Variants in RPTOR observed in about 807,000 individuals in gnomAD.
The protein encoded by RPTOR is regulatory-associated protein of mTOR.
Under a neutral mutation model 169.9 loss-of-function variants are expected in RPTOR, and 21 were observed. That is an observed-to-expected ratio of 0.12 (90% CI 0.09 to 0.18). RPTOR has a LOEUF of 0.18. Among genes scored for constraint, RPTOR ranks in the 10% least tolerant of loss-of-function variants. The pLI is 1.00. For missense variants in RPTOR, 1,133 were observed against 1,855.9 expected, an observed-to-expected ratio of 0.61 and a Z score of 7.16; for synonymous variants, 732 against 753.2, an observed-to-expected ratio of 0.97 and a Z score of 0.46.
Position 80,754,466 on chromosome 17 carries a change from G to A in RPTOR, c.830+281G>A, listed in dbSNP as rs912209264. ...CCTTACCTTTGTTCACTGCGGAGGC[G>A]TCTTAGTACCAGGATAGGTCATACT... On this transcript the variant is annotated intron_variant, in intron 6 of 33. Coordinates refer to ENST00000306801, the MANE Select transcript of RPTOR (RefSeq NM_020761.3). This position sits in a 1 kb window ranked among gnomAD's most constrained non-coding sequence, Gnocchi z 4.2. 1.3e-5 allele frequency among the ~76,000 whole-genome samples: 2 copies of A among 152,150 alleles called. No individual in the cohort carries two copies. The highest frequency in any genetic ancestry group is 2.9e-5 in the Non-Finnish European group (2 of 68,026).
chr17:80,563,331 G>A (rs1568305717), intron 1 of RPTOR, among the ~76,000 whole-genome samples: 6 of 151,744 alleles, frequency 4.0e-5, no homozygotes, highest in East Asian at 3.9e-4. Flanking sequence ...TCAGGAGTTC[G>A]AGAACAGCCT....
chr17:80,831,679 T>C (rs555308990), intron 9 of RPTOR, among the ~76,000 whole-genome samples: 2 of 152,228 alleles, frequency 1.3e-5, no homozygotes, highest in South Asian at 2.1e-4. Flanking sequence ...CTGTGTATCC[T>C]TGTGTATCAC....
Position 80,696,513 on chromosome 17 carries a change from C to G in RPTOR, c.349-11328C>G, listed in dbSNP as rs571436870. Among the ~76,000 whole-genome samples, 6 of 152,298 alleles carry G rather than the reference C, an allele frequency of 3.9e-5. No homozygotes were observed. In the South Asian group the frequency reaches 1.2e-3, roughly 32 times the overall value. ...ATTCCCATGTAGATTCATTCCACAG[C>G]CTTTTCTTGGGTGACGACTCTGTGC... On this transcript the variant is annotated intron_variant, in intron 3 of 33. Coordinates refer to ENST00000306801, the MANE Select transcript of RPTOR (RefSeq NM_020761.3).
intron 6 of RPTOR, among the ~76,000 whole-genome samples, chr17:80,775,194 C>A (rs560030745): frequency 3.9e-5 from 6 of 152,346 alleles, no homozygotes; most frequent in Admixed American, 2.6e-4. Context: ...ACTCCCACTT[C>A]CTTCTTGTTT....
chr17:80,566,138 T>C (rs533629136), intron 1 of RPTOR, among the ~76,000 whole-genome samples: 22 of 152,164 alleles, frequency 1.4e-4, no homozygotes, highest in Non-Finnish European at 2.9e-4. Context: ...TGAGTCTGAG[T>C]GTTTTCATCA....
At chr17:80,900,536 G>A (rs957063019) in intron 20 of RPTOR, among the ~76,000 whole-genome samples, 2 of 152,158 alleles carry the variant, frequency 1.3e-5, no homozygotes, top group Admixed American at 1.3e-4. Context: ...GGCTGGTCTC[G>A]AACTTCCAAC....
chr17:80,562,095 G>A lies in RPTOR; in HGVS notation c.162+16304G>A, dbSNP rs115636406. On this transcript the variant is annotated intron_variant, in intron 1 of 33. Transcript: ENST00000306801. This position sits in a 1 kb window ranked among gnomAD's most constrained non-coding sequence, Gnocchi z 4.4. ...TAGGAGGAGATGAGGGTCTGGTGGC[G>A]GCTTGGGCTGGTAGTGACAGGCCCG... Among the ~76,000 whole-genome samples, 1,387 of 152,192 alleles carry A rather than the reference G, an allele frequency of 9.1e-3. 30 individuals are homozygous for A. Among genetic ancestry groups the A allele is most frequent in the African/African-American group, 0.031 (1,284 of 41,516 alleles).
Position 80,846,112 on chromosome 17 carries a change from G to A in RPTOR, c.1213-361G>A, listed in dbSNP as rs563876964. On this transcript the variant is annotated intron_variant, in intron 10 of 33. Transcript: ENST00000306801. ...CTTGCCTGCTGATCCACACACTCACGGGGTCCCCTGCCCCCGGCATCTTCA... is the reference window on the plus strand; with the variant it reads ...CTTGCCTGCTGATCCACACACTCACAGGGTCCCCTGCCCCCGGCATCTTCA... 1.6e-4 allele frequency among the ~76,000 whole-genome samples: 25 copies of A among 152,316 alleles called. No individual in the cohort carries two copies. The East Asian group carries it at 3.7e-3, about 22-fold the overall frequency.
intron 2 of RPTOR, among the ~76,000 whole-genome samples, chr17:80,634,610 T>TGTGC (rs528181933): frequency 0.11 from 1,819 of 16,112 alleles, 378 homozygotes; most frequent in African/African-American, 0.36. Context: ...GTACTGTGTG[T>TGTGC]GTACTGTGTG....
intron 7 of RPTOR, among the ~76,000 whole-genome samples, chr17:80,809,697 A>G (rs2067253783): frequency 6.6e-6 from 1 of 152,112 alleles, no homozygotes; most frequent in Admixed American, 6.5e-5. Context: ...TGTCCTATCT[A>G]TACATTGTGA....
intron 20 of RPTOR, among the ~76,000 whole-genome samples, chr17:80,907,548 G>A (rs2068558858): frequency 6.6e-6 from 1 of 152,226 alleles, no homozygotes; most frequent in African/African-American, 2.4e-5. Context: ...GCGTGGCGTG[G>A]ACAACAGTTC....
At chr17:80,743,248 G>A in intron 5 of RPTOR, 2 of 985,428 alleles carry the variant, frequency 2.0e-6, no homozygotes, top group Non-Finnish European at 2.4e-6. Context: ...GAAGTAAGCA[G>A]AAACACAGCA....
At chr17:80,932,782 C>T (rs1044033921) in intron 24 of RPTOR, among the ~76,000 whole-genome samples, 1 of 152,158 alleles carries the variant, frequency 6.6e-6, no homozygotes, top group African/African-American at 2.4e-5. Context: ...CAGCAAAGAT[C>T]CCAAATCATG....
At chr17:80,574,774 G>GC (rs1297794861) in intron 1 of RPTOR, among the ~76,000 whole-genome samples, 2 of 150,960 alleles carry the variant, frequency 1.3e-5, no homozygotes, top group African/African-American at 4.9e-5. Flanking sequence ...TCCCCGCTTA[G>GC]CCTCCCAAGT....
chr17:80,569,748 T>G (rs1289370792), intron 1 of RPTOR, among the ~76,000 whole-genome samples: 1 of 152,142 alleles, frequency 6.6e-6, no homozygotes, highest in Non-Finnish European at 1.5e-5. Context: ...TATCTGCCCC[T>G]TTACAGCAGG....
chr17:80,877,746 T>C (rs774091558), intron 13 of RPTOR, among the ~76,000 whole-genome samples: 1 of 152,212 alleles, frequency 6.6e-6, no homozygotes, highest in Non-Finnish European at 1.5e-5. Flanking sequence ...GTCAAAACCT[T>C]CAGCTAAAGC....
At chr17:80,564,927 G>A (rs939279146) in intron 1 of RPTOR, among the ~76,000 whole-genome samples, 2 of 151,984 alleles carry the variant, frequency 1.3e-5, no homozygotes, top group Non-Finnish European at 1.5e-5. Context: ...TTATTTTTTT[G>A]TGTGGCTGCA....
At position 80,713,530 on chromosome 17, in the gene RPTOR, A is replaced by T. The variant is rs200523689; in HGVS notation, c.507+5531A>T. ...TCACAAGTTTTTGTCAAACCAGATT[A>T]AAAAAAAGCATGATCAAACCTTGTG... On this transcript the variant is annotated intron_variant, in intron 4 of 33. Coordinates refer to ENST00000306801, the MANE Select transcript of RPTOR (RefSeq NM_020761.3). Among the ~76,000 whole-genome samples the T allele has an allele frequency of 1.5e-3, 222 of 152,200 alleles. 2 individuals are homozygous for T. Among genetic ancestry groups the T allele is most frequent in the East Asian group, 4.2e-3 (22 of 5,188 alleles).
chr17:80,877,984 G>A (rs2068141443), intron 13 of RPTOR, among the ~76,000 whole-genome samples: 1 of 152,206 alleles, frequency 6.6e-6, no homozygotes, highest in Admixed American at 6.5e-5. Context: ...CTTCTGGGCT[G>A]CATAACCAGC....
Sources: gnomAD v4.1 joint callset for allele counts (sites outside exome capture counted in the v4.1 genomes callset) on GRCh38, gnomAD v4.1.1 for gene constraint, Gnocchi (gnomAD v3.1) non-coding constraint, MANE v1.5 for transcripts, NCBI Gene and HGNC (gene_info 2026-07-23, HGNC 2026-07-21) for gene names.